The following LCAT variants were observed in gnomAD, a reference collection of about 807,000 sequenced individuals.
LCAT encodes lecithin-cholesterol acyltransferase, also known as phosphatidylcholine-sterol acyltransferase.
A neutral mutation model predicts 41.0 loss-of-function variants in LCAT; 15 were observed. That is an observed-to-expected ratio of 0.37 (90% CI 0.24 to 0.56). LCAT has a LOEUF of 0.56. Among genes scored for constraint, LCAT ranks in the 20% least tolerant of loss-of-function variants. The pLI, the probability that LCAT is intolerant of heterozygous loss-of-function variation, is 0.81. For missense variants in LCAT, 449 were observed against 595.1 expected, an observed-to-expected ratio of 0.75 and a Z score of 2.55; for synonymous variants, 248 against 245.4, an observed-to-expected ratio of 1.01 and a Z score of -0.10.
chr16:67,941,626 A>C, intron 5 of LCAT: 1 of 985,160 alleles, frequency 1.0e-6, no homozygotes, highest in Non-Finnish European at 1.2e-6. Flanking sequence ...AAAAGAAAAA[A>C]AAAAGTAGGC....
Position 67,940,109 on chromosome 16 carries a change from G to A in LCAT, c.1118C>T (p.Ala373Val), listed in dbSNP as rs756113909. The part of the protein sequence containing the change: ...VLYEDGDDTV[A>V]TRSTELCGLW... The stretch of plus-strand genomic sequence containing the variant: ...GCCACAGAGCTCGGTGCTGCGGGTC[G>A]CCACCGTGTCATCACCATCCTCATA... The change falls in exon 6 of 6, where the codon GCG becomes GTG. Residue 373 changes from alanine (A) to valine (V), a missense_variant. Transcript: ENST00000264005. 6.8e-6 allele frequency: 11 copies of A among 1,613,068 alleles called. No homozygotes were observed. The highest frequency in any genetic ancestry group is 4.5e-5 in the East Asian group (2 of 44,864).
chr16:67,941,466 C>CA (rs2058289995), intron 5 of LCAT: 1 of 215,058 alleles, frequency 4.6e-6, no homozygotes, highest in South Asian at 1.6e-4. Context: ...TACTAAAAAA[C>CA]AAAAATAAAT....
At position 67,943,909 on chromosome 16, in the gene LCAT, G is replaced by C. The variant is rs956104455; in HGVS notation, c.154+39C>G. On this transcript the variant is annotated intron_variant, in intron 1 of 5. Transcript: ENST00000264005. The surrounding 1 kb of genome is among the most constrained non-coding windows in gnomAD (Gnocchi z 4.6). ...AGGGGCTGGGGCCCAGGCTCCCCAG[G>C]GTCTGGCGTGGTGCATCAGGGGCCT... The C allele has an allele frequency of 1.3e-6, 2 of 1,514,264 alleles. No individual in the cohort carries two copies. Among genetic ancestry groups the C allele is most frequent in the African/African-American group, 2.8e-5 (2 of 72,578 alleles). The allele number at this position is 1,514,264 out of a possible 1,614,324, so 93.8% of individuals were successfully genotyped here. A position where few individuals can be genotyped will look rare whatever the true frequency, so the allele number is the denominator to read the frequency against.
Position 67,940,130 on chromosome 16 carries a change from T to C in LCAT, c.1097A>G (p.Glu366Gly). The change falls in exon 6 of 6, where the codon GAG becomes GGG. Residue 366 changes from glutamate (E) to glycine (G), a missense_variant. Physicochemically the swap from Glu to Gly is moderately conservative, Grantham distance 98. Coordinates refer to ENST00000264005, the MANE Select transcript of LCAT (RefSeq NM_000229.2). ...PYTDPVGVLYEDGDDTVATRS... is the reference protein window; with the variant it reads ...PYTDPVGVLYGDGDDTVATRS... ...GGTCGCCACCGTGTCATCACCATCC[T>C]CATAGAGCACACCCACAGGGTCCGT... 1 of 1,613,406 alleles carries C rather than the reference T, an allele frequency of 6.2e-7. No homozygotes were observed. Among genetic ancestry groups the C allele is most frequent in the Non-Finnish European group, 8.5e-7 (1 of 1,179,994 alleles).
At position 67,940,245 on chromosome 16, in the gene LCAT, G is replaced by A. The variant is rs1567407852; in HGVS notation, c.982C>T (p.Leu328Phe). The change falls in exon 6 of 6, where the codon CTC (leucine) becomes TTC (phenylalanine). Residue 328 changes from leucine (L) to phenylalanine (F), a missense_variant. Physicochemically the swap from Leu to Phe is conservative, Grantham distance 22. Coordinates refer to ENST00000264005, the MANE Select transcript of LCAT (RefSeq NM_000229.2). ...WLQSRDLLAG[L>F]PAPGVEVYCL... ...TATACTTCCACACCAGGTGCTGGGAGTCCTGCCAGGAGGTCACGTGACTGC... is the reference window on the plus strand; with the variant it reads ...TATACTTCCACACCAGGTGCTGGGAATCCTGCCAGGAGGTCACGTGACTGC... The A allele has an allele frequency of 6.2e-7, 1 of 1,613,778 alleles. No individual in the cohort carries two copies. Among genetic ancestry groups the A allele is most frequent in the East Asian group, 2.2e-5 (1 of 44,876 alleles).
Position 67,942,417 on chromosome 16 carries a change from A to C in LCAT, c.694T>G (p.Ser232Ala), listed in dbSNP as rs4986970. 3.1e-6 allele frequency: 5 copies of C among 1,613,798 alleles called. No homozygotes were observed. In the Admixed American group the frequency reaches 6.7e-5, roughly 22 times the overall value. Residue 232 changes from serine to alanine, a missense_variant, in exon 5 of 6, where the codon TCT becomes GCT. Ser to Ala is a moderately conservative substitution (Grantham distance 99). Coordinates refer to ENST00000264005, the MANE Select transcript of LCAT (RefSeq NM_000229.2). This position sits in a 1 kb window ranked among gnomAD's most constrained non-coding sequence, Gnocchi z 6.6. The stretch of plus-strand genomic sequence containing the variant: ...GAGCCACCCCAGGGAGCCCCAAGAG[A>C]GATGAAGCCATCAATAAAGCGGTCC... ...WKDRFIDGFI[S>A]LGAPWGGSIK...
intron 5 of LCAT, 123 bp from the exon 6 acceptor site, chr16:67,940,601 A>T (rs2058286707): frequency 1.3e-6 from 2 of 1,481,962 alleles, no homozygotes; most frequent in Non-Finnish European, 9.1e-7. Context: ...CACAGACTCT[A>T]AGCCACAGGC....
chr16:67,943,532 C>A lies in LCAT; in HGVS notation c.155-320G>T. 1.9e-6 allele frequency: 1 copy of A among 515,256 alleles called. No individual in the cohort carries two copies. The highest frequency in any genetic ancestry group is 3.5e-6 in the Non-Finnish European group (1 of 282,514). The allele number at this position is 515,256 out of a possible 1,614,324, so 31.9% of individuals were successfully genotyped here. A position where few individuals can be genotyped will look rare whatever the true frequency, so the allele number is the denominator to read the frequency against. On this transcript the variant is annotated intron_variant, in intron 1 of 5. Coordinates refer to ENST00000264005, the MANE Select transcript of LCAT (RefSeq NM_000229.2). This position sits in a 1 kb window ranked among gnomAD's most constrained non-coding sequence, Gnocchi z 4.6. ...AGGTGGGAACAGATAGGTCTGGGGG[C>A]ATGGGGGCTGGGCCTAATAGGGGCC... is the stretch of plus-strand genomic sequence containing the variant.
chr16:67,942,235 G>T lies in LCAT; in HGVS notation c.748+128C>A. 7.8e-7 allele frequency: 1 copy of T among 1,286,682 alleles called. No individual in the cohort carries two copies. Among genetic ancestry groups the T allele is most frequent in the Non-Finnish European group, 1.1e-6 (1 of 913,222 alleles). 79.7% of individuals were successfully genotyped at this position (1,286,682 alleles called of 1,614,324 possible). On this transcript the variant is annotated intron_variant, in intron 5 of 5. Transcript: ENST00000264005. The surrounding 1 kb of genome is among the most constrained non-coding windows in gnomAD (Gnocchi z 6.6). ...CTGCTCTGGGGGCCAGTGACAGCAA[G>T]CATGCCAGCCCAGGAGTGGTAGATA...
Position 67,943,801 on chromosome 16 carries a change from G to T in LCAT, c.154+147C>A. The T allele has an allele frequency of 2.7e-6, 2 of 740,440 alleles. No individual in the cohort carries two copies. Among genetic ancestry groups the T allele is most frequent in the Non-Finnish European group, 4.3e-6 (2 of 460,074 alleles). 45.9% of individuals were successfully genotyped at this position (740,440 alleles called of 1,614,324 possible). On this transcript the variant is annotated intron_variant, in intron 1 of 5. Transcript: ENST00000264005. The surrounding 1 kb of genome is among the most constrained non-coding windows in gnomAD (Gnocchi z 4.6). The stretch of plus-strand genomic sequence containing the variant: ...GGGACGTCATTCCTCTAAGGGACAA[G>T]CTTTTGGCCCCTCCCCACACCAGGG...
Position 67,943,336 on chromosome 16 carries a change from A to C in LCAT, c.155-124T>G. On this transcript the variant is annotated intron_variant, in intron 1 of 5. Coordinates refer to ENST00000264005, the MANE Select transcript of LCAT (RefSeq NM_000229.2). This position sits in a 1 kb window ranked among gnomAD's most constrained non-coding sequence, Gnocchi z 4.6. ...CCATACCCTCAACCCCCAGGTACAAAGCACACTTACCCTCCCCTGCTTACA... is the reference window on the plus strand; with the variant it reads ...CCATACCCTCAACCCCCAGGTACAACGCACACTTACCCTCCCCTGCTTACA... The C allele has an allele frequency of 2.3e-6, 2 of 883,946 alleles. No homozygotes were observed. The highest frequency in any genetic ancestry group is 2.7e-5 in the East Asian group (1 of 36,952). The allele number at this position is 883,946 out of a possible 1,614,324, so 54.8% of individuals were successfully genotyped here.
chr16:67,939,777 C>G lies in LCAT; in HGVS notation c.*127G>C. The G allele has an allele frequency of 6.7e-7, 1 of 1,486,558 alleles. No individual in the cohort carries two copies. The highest frequency in any genetic ancestry group is 9.0e-7 in the Non-Finnish European group (1 of 1,105,828). The allele number at this position is 1,486,558 out of a possible 1,614,324, so 92.1% of individuals were successfully genotyped here. The stretch of plus-strand genomic sequence containing the variant: ...CTCAGTCCCAGGCCTCAGCAGAGCC[C>G]ATCTTGCCTCACTGCACACAGCACT... On this transcript the variant is annotated 3_prime_UTR_variant, in exon 6 of 6. Transcript: ENST00000264005.
chr16:67,941,746 C>T (rs866709343), intron 5 of LCAT: 1 of 1,003,096 alleles, frequency 1.0e-6, no homozygotes, highest in South Asian at 4.2e-5. Context: ...TCTTTCTGCT[C>T]CTTGTGTGGC....
Position 67,943,456 on chromosome 16 carries a change from G to T in LCAT, c.155-244C>A, listed in dbSNP as rs1373029279. 5 of 565,436 alleles carry T rather than the reference G, an allele frequency of 8.8e-6. No individual in the cohort carries two copies. The African/African-American group carries it at 9.3e-5, about 11-fold the overall frequency. 35.0% of individuals were successfully genotyped at this position (565,436 alleles called of 1,614,324 possible). A position where few individuals can be genotyped will look rare whatever the true frequency, so the allele number is the denominator to read the frequency against. On this transcript the variant is annotated intron_variant, in intron 1 of 5. Coordinates refer to ENST00000264005, the MANE Select transcript of LCAT (RefSeq NM_000229.2). This position sits in a 1 kb window ranked among gnomAD's most constrained non-coding sequence, Gnocchi z 4.6. The stretch of plus-strand genomic sequence containing the variant: ...GCTGAGGCCAAGGCCGCTGACCCCT[G>T]CCTCTGCAGAGCAAACACCCAGTCT...
At chr16:67,941,206 A>G (rs1435852638) in intron 5 of LCAT, among the ~76,000 whole-genome samples, 1 of 152,244 alleles carries the variant, frequency 6.6e-6, no homozygotes, top group East Asian at 1.9e-4. Flanking sequence ...AGGGAGGCTG[A>G]GGCAGAAGAA....
rs535764529 is a variant in LCAT, at chr16:67,943,780, C to T, written c.154+168G>A. 5.4e-5 allele frequency: 35 copies of T among 650,296 alleles called. No individual in the cohort carries two copies. The highest frequency in any genetic ancestry group is 1.7e-4 in the South Asian group (8 of 45,998). The allele number at this position is 650,296 out of a possible 1,614,324, so 40.3% of individuals were successfully genotyped here. A position where few individuals can be genotyped will look rare whatever the true frequency, so the allele number is the denominator to read the frequency against. On this transcript the variant is annotated intron_variant, in intron 1 of 5. Transcript: ENST00000264005. The surrounding 1 kb of genome is among the most constrained non-coding windows in gnomAD (Gnocchi z 4.6). ...AGTCACAGTGTGGTGGGAGAAGGGA[C>T]GTCATTCCTCTAAGGGACAAGCTTT...
chr16:67,944,107 C>T lies in LCAT; in HGVS notation c.-6G>A. The T allele has an allele frequency of 2.6e-6, 4 of 1,546,962 alleles. No homozygotes were observed. The highest frequency in any genetic ancestry group is 3.5e-6 in the Non-Finnish European group (4 of 1,145,670). On this transcript the variant is annotated 5_prime_UTR_variant, in exon 1 of 6. Coordinates refer to ENST00000264005, the MANE Select transcript of LCAT (RefSeq NM_000229.2). This position sits in a 1 kb window ranked among gnomAD's most constrained non-coding sequence, Gnocchi z 6.6. ...GGGGAGCCGGGCGGCCCCATTCCAG[C>T]CCTGGTGCCTACTGCCAGAGAAAGC...
At position 67,943,266 on chromosome 16, in the gene LCAT, C is replaced by A. The variant is rs1658798947; in HGVS notation, c.155-54G>T. The A allele has an allele frequency of 6.3e-7, 1 of 1,596,548 alleles. No individual in the cohort carries two copies. Among genetic ancestry groups the A allele is most frequent in the Non-Finnish European group, 8.6e-7 (1 of 1,169,558 alleles). On this transcript the variant is annotated intron_variant, in intron 1 of 5. Transcript: ENST00000264005. The surrounding 1 kb of genome is among the most constrained non-coding windows in gnomAD (Gnocchi z 4.6). ...CTGGATTCCCCCCGTGACCCTTACC[C>A]CCGTCACCCCAGATGCTGCAGTGAC...
rs1006147783 is a variant in LCAT at position 67,943,177 on chromosome 16, G to A, written c.190C>T (p.Leu64=). The A allele has an allele frequency of 8.1e-6, 13 of 1,613,778 alleles. No homozygotes were observed. The highest frequency in any genetic ancestry group is 1.1e-5 in the Non-Finnish European group (13 of 1,179,962). ...GCLGNQLEAK[L]DKPDVVNWMC... The stretch of plus-strand genomic sequence containing the variant: ...CAGTTCACCACATCTGGTTTGTCCA[G>A]CTTGGCTTCTAGCTGATTCCCCAGG... The change falls in exon 2 of 6, where the codon CTG becomes TTG. Residue 64 remains leucine, a synonymous_variant. Transcript: ENST00000264005. This position sits in a 1 kb window ranked among gnomAD's most constrained non-coding sequence, Gnocchi z 4.6.
Sources: gnomAD v4.1 joint callset for allele counts (sites outside exome capture counted in the v4.1 genomes callset) on GRCh38, gnomAD v4.1.1 for gene constraint, Gnocchi (gnomAD v3.1) non-coding constraint, MANE v1.5 for transcripts, NCBI Gene and HGNC (gene_info 2026-07-23, HGNC 2026-07-21) for gene names.